Variants in ADARB2 observed in about 807,000 individuals in gnomAD.
ADARB2 encodes the protein inactive double-stranded RNA-specific editase B2.
In ADARB2, 25 loss-of-function variants were observed where a neutral mutation model predicts 62.2. That is an observed-to-expected ratio of 0.40 (90% CI 0.29 to 0.56). The LOEUF (loss-of-function observed/expected upper bound fraction) is 0.56, where lower values mean the gene tolerates loss of function less well. ADARB2 is among the 20% of genes least tolerant of loss of function. The pLI is 0.43. For synonymous variants in ADARB2, 572 were observed against 500.8 expected (o/e 1.14, Z -1.90); for missense variants, 1,071 against 1,077.4 (o/e 0.99, Z 0.08).
At chr10:1,472,087 C>T (rs1200835607) in intron 1 of ADARB2, among the ~76,000 whole-genome samples, 2 of 152,232 alleles carry the variant, frequency 1.3e-5, no homozygotes, top group Non-Finnish European at 2.9e-5. Context: ...TGAGCCTCTA[C>T]TGAGTGCCAG....
chr10:1,314,103 G>A (rs2131824257), intron 3 of ADARB2, among the ~76,000 whole-genome samples: 1 of 152,244 alleles, frequency 6.6e-6, no homozygotes, highest in Admixed American at 6.5e-5. Flanking sequence ...CCTGGCCTTA[G>A]GACCTACTCA....
chr10:1,632,248 C>CAT (rs1833852317), intron 1 of ADARB2, among the ~76,000 whole-genome samples: 1 of 152,104 alleles, frequency 6.6e-6, no homozygotes, highest in Admixed American at 6.5e-5. Flanking sequence ...ATTACACACA[C>CAT]ATGCCACATG....
At chr10:1,469,205 GAACT>G (rs1174917318) in intron 1 of ADARB2, among the ~76,000 whole-genome samples, 1 of 152,154 alleles carries the variant, frequency 6.6e-6, no homozygotes, top group African/African-American at 2.4e-5. Context: ...TTCTACAGCA[GAACT>G]AACAGAGCAG....
intron 1 of ADARB2, among the ~76,000 whole-genome samples, chr10:1,719,758 AAGAC>A (rs1444184037): frequency 1.3e-5 from 2 of 148,856 alleles, no homozygotes; most frequent in Non-Finnish European, 3.0e-5. Flanking sequence ...TTCTCTAAAG[AAGAC>A]AAACATGCGA....
intron 3 of ADARB2, among the ~76,000 whole-genome samples, chr10:1,274,316 C>T (rs781697398): frequency 6.6e-5 from 10 of 152,220 alleles, no homozygotes; most frequent in Non-Finnish European, 1.2e-4. Flanking sequence ...CTCTGGTATC[C>T]GATTCTGGGT....
intron 4 of ADARB2, among the ~76,000 whole-genome samples, chr10:1,264,459 T>G (rs191800690): frequency 2.4e-3 from 367 of 152,348 alleles, no homozygotes; most frequent in Middle Eastern, 6.8e-3. Context: ...AAGTTTTAAC[T>G]GTATTTAAAC....
At chr10:1,192,913 C>T (rs1836862665) in intron 8 of ADARB2, among the ~76,000 whole-genome samples, 1 of 152,184 alleles carries the variant, frequency 6.6e-6, no homozygotes, top group Non-Finnish European at 1.5e-5. Context: ...ACTGCATTCC[C>T]GCCTGGGTGA....
At chr10:1,522,754 T>G (rs913813754) in intron 1 of ADARB2, among the ~76,000 whole-genome samples, 1 of 152,208 alleles carries the variant, frequency 6.6e-6, no homozygotes, top group Non-Finnish European at 1.5e-5. Context: ...CATTTTTCAG[T>G]AGCCTCTAAA....
intron 4 of ADARB2, among the ~76,000 whole-genome samples, chr10:1,269,058 G>C (rs1831234407): frequency 6.6e-6 from 1 of 152,192 alleles, no homozygotes; most frequent in African/African-American, 2.4e-5. Context: ...GGGGCTGGAA[G>C]TGCATTGCAC....
At position 1,406,795 on chromosome 10, in the gene ADARB2, C is replaced by T. The variant is rs982828785; in HGVS notation, c.101-27635G>A. 1.4e-4 allele frequency among the ~76,000 whole-genome samples: 22 copies of T among 152,200 alleles called. 1 individual carries two copies. The highest frequency in any genetic ancestry group is 1.0e-3 in the Admixed American group (16 of 15,286). ...CCCCATTGTCAACCCCCTGGCCCTG[C>T]AGTTGGGGCCCTGATTCCTGCACGT... On this transcript the variant is annotated intron_variant, in intron 1 of 9. Transcript: ENST00000381312.
chr10:1,203,614 A>G (rs1423779009), intron 7 of ADARB2, among the ~76,000 whole-genome samples: 1 of 150,574 alleles, frequency 6.6e-6, no homozygotes, highest in South Asian at 2.1e-4. Flanking sequence ...GGCTCCCCCA[A>G]GGATTTTGGT....
chr10:1,520,022 G>C lies in ADARB2; in HGVS notation c.101-140862C>G, dbSNP rs571453629. Among the ~76,000 whole-genome samples, 822 of 152,306 alleles carry C rather than the reference G, an allele frequency of 5.4e-3. 8 individuals are homozygous for C. The highest frequency in any genetic ancestry group is 7.7e-3 in the Non-Finnish European group (525 of 68,038). On this transcript the variant is annotated intron_variant, in intron 1 of 9. Transcript: ENST00000381312. ...GTCCCTACCTGGGAATTCCACTTCA[G>C]AAGAGGCTCTACTGAGCACTTGGGA...
At chr10:1,451,435 T>G (rs193289421) in intron 1 of ADARB2, among the ~76,000 whole-genome samples, 7 of 152,334 alleles carry the variant, frequency 4.6e-5, no homozygotes, top group Non-Finnish European at 7.4e-5. Context: ...CTGAGGCAAC[T>G]TGGACTGATC....
intron 3 of ADARB2, among the ~76,000 whole-genome samples, chr10:1,293,157 G>GGGA (rs1323327639): frequency 1.2e-5 from 1 of 80,384 alleles, no homozygotes; most frequent in Non-Finnish European, 2.8e-5. Context: ...GGGAGAGGGA[G>GGGA]GGTAAGAAGG....
intron 1 of ADARB2, among the ~76,000 whole-genome samples, chr10:1,575,948 C>T (rs1225719515): frequency 6.6e-6 from 1 of 151,870 alleles, no homozygotes; most frequent in Non-Finnish European, 1.5e-5. Flanking sequence ...GCACAAAGCG[C>T]ATGGGAGGGG....
At chr10:1,545,779 A>G (rs1832509891) in intron 1 of ADARB2, among the ~76,000 whole-genome samples, 1 of 152,204 alleles carries the variant, frequency 6.6e-6, no homozygotes, top group Non-Finnish European at 1.5e-5. Context: ...GTGAGGGCGC[A>G]CGGGGCATGT....
intron 3 of ADARB2, among the ~76,000 whole-genome samples, chr10:1,312,428 T>C (rs888698732): frequency 6.6e-6 from 1 of 152,206 alleles, no homozygotes; most frequent in African/African-American, 2.4e-5. Context: ...GAATGTGAGT[T>C]TCTCTTCACT....
intron 1 of ADARB2, among the ~76,000 whole-genome samples, chr10:1,501,862 G>T (rs1246728510): frequency 2.0e-5 from 3 of 152,142 alleles, no homozygotes; most frequent in Non-Finnish European, 2.9e-5. Flanking sequence ...TTCAACTAAG[G>T]ACAAAGCCAT....
intron 1 of ADARB2, among the ~76,000 whole-genome samples, chr10:1,717,156 CTTTTTTTT>C (rs397969884): frequency 9.5e-5 from 6 of 63,270 alleles, no homozygotes; most frequent in African/African-American, 3.8e-4. Flanking sequence ...TTGTAGTGTG[CTTTTTTTT>C]TTTTTTTTTT....
Sources: gnomAD v4.1 joint callset for allele counts (sites outside exome capture counted in the v4.1 genomes callset) on GRCh38, gnomAD v4.1.1 for gene constraint, MANE v1.5 for transcripts, NCBI Gene and HGNC (gene_info 2026-07-23, HGNC 2026-07-21) for gene names.